The following AVEN variants were observed in gnomAD, a reference collection of about 807,000 sequenced individuals.
AVEN encodes the protein cell death regulator Aven.
Under a neutral mutation model 38.1 loss-of-function variants are expected in AVEN, and 41 were observed. The observed-to-expected ratio is 1.08, with a 90% CI of 0.84 to 1.40. The LOEUF (loss-of-function observed/expected upper bound fraction) is 1.40. Ranked by LOEUF, AVEN falls within the 40% of genes most tolerant of loss-of-function variation. The pLI, the probability that AVEN is intolerant of heterozygous loss-of-function variation, is 0.00. For synonymous variants in AVEN, 206 were observed against 171.8 expected (o/e 1.20, Z -1.56); for missense variants, 605 against 438.8 (o/e 1.38, Z -3.38).
intron 1 of AVEN, among the ~76,000 whole-genome samples, chr15:34,032,081 A>G (rs892763865): frequency 6.6e-6 from 1 of 152,078 alleles, no homozygotes; most frequent in Non-Finnish European, 1.5e-5. Flanking sequence ...AAGAGAACTA[A>G]TCCAGTGCCG....
intron 2 of AVEN, among the ~76,000 whole-genome samples, chr15:34,000,093 G>T (rs1203111440): frequency 6.6e-6 from 1 of 152,106 alleles, no homozygotes; most frequent in Non-Finnish European, 1.5e-5. Flanking sequence ...TTTTCCCATA[G>T]ATATCCTCAC....
At chr15:33,919,217 G>A (rs1454662755) in intron 2 of AVEN, among the ~76,000 whole-genome samples, 3 of 151,804 alleles carry the variant, frequency 2.0e-5, no homozygotes, top group South Asian at 2.1e-4. Flanking sequence ...GTGTTTTTAA[G>A]AAAAAAATCC....
downstream of AVEN, among the ~76,000 whole-genome samples, chr15:33,861,963 C>A (rs546912725): frequency 2.0e-5 from 3 of 151,952 alleles, no homozygotes; most frequent in African/African-American, 7.3e-5. Flanking sequence ...ATGCCTGGCA[C>A]CCAGTAGGCA....
chr15:33,943,560 T>A (rs533037483), intron 2 of AVEN, among the ~76,000 whole-genome samples: 1 of 152,156 alleles, frequency 6.6e-6, no homozygotes, highest in Non-Finnish European at 1.5e-5. Flanking sequence ...ATTGTTACAA[T>A]AGGCTGGGCA....
intron 5 of AVEN, among the ~76,000 whole-genome samples, chr15:34,047,844 G>A (rs966406062): frequency 1.3e-5 from 2 of 152,102 alleles, no homozygotes. Context: ...TGCCTCCTGA[G>A]CTCAAGTAAT....
At chr15:33,857,839 C>T, downstream of AVEN, 1 of 1,614,206 alleles carries the variant, frequency 6.2e-7, no homozygotes, top group South Asian at 1.1e-5. Flanking sequence ...TGGTGGCTTT[C>T]AACTTCTTCC....
intron 2 of AVEN, 83 bp from the exon 3 acceptor site, chr15:33,876,078 T>C (rs1398337060): frequency 1.1e-5 from 15 of 1,334,616 alleles, no homozygotes; most frequent in Non-Finnish European, 1.6e-5. Flanking sequence ...AGAGCAAAAG[T>C]GCCATTTCTG....
At chr15:34,022,926 G>A (rs1418134043) in intron 1 of AVEN, among the ~76,000 whole-genome samples, 2 of 152,176 alleles carry the variant, frequency 1.3e-5, no homozygotes, top group Non-Finnish European at 1.5e-5. Context: ...GGTGGCTCAC[G>A]CCTGTAATCC....
chr15:34,068,153 T>G (rs994789609), intron 2 of AVEN, among the ~76,000 whole-genome samples: 3 of 152,126 alleles, frequency 2.0e-5, no homozygotes, highest in African/African-American at 7.2e-5. Context: ...CATTTTTTTC[T>G]CAACCATTTG....
At chr15:33,864,122 C>A (rs1449309228), downstream of AVEN, 7 of 1,598,938 alleles carry the variant, frequency 4.4e-6, no homozygotes, top group Middle Eastern at 1.7e-4. Context: ...CTAATACTAT[C>A]TTTTCCTCGT....
intron 2 of AVEN, among the ~76,000 whole-genome samples, chr15:33,887,237 C>A (rs1891741835): frequency 6.6e-6 from 1 of 151,998 alleles, no homozygotes; most frequent in Non-Finnish European, 1.5e-5. Context: ...GTTATGGGAC[C>A]AAACTACTTG....
intron 2 of AVEN, among the ~76,000 whole-genome samples, chr15:33,899,458 ACCT>A (rs1892390131): frequency 1.1e-5 from 1 of 89,886 alleles, no homozygotes; most frequent in African/African-American, 3.7e-5. Context: ...TTCAGGGAAA[ACCT>A]TTTTTTTTTT....
chr15:33,856,108 A>G (rs2079630535), downstream of AVEN: 2 of 152,228 alleles, frequency 1.3e-5, no homozygotes, highest in Non-Finnish European at 2.9e-5. Flanking sequence ...CAGAGCAGCT[A>G]AATGTCTCAC....
chr15:33,923,276 G>A (rs139665388), intron 2 of AVEN, among the ~76,000 whole-genome samples: 76 of 152,288 alleles, frequency 5.0e-4, no homozygotes, highest in African/African-American at 1.7e-3. Flanking sequence ...AGGAGTAATT[G>A]TGTATTCTAT....
intron 3 of AVEN, among the ~76,000 whole-genome samples, chr15:33,873,199 A>C (rs1255991753): frequency 1.5e-5 from 2 of 136,832 alleles, no homozygotes; most frequent in East Asian, 4.5e-4. Context: ...TTCTTGGTTC[A>C]AGCGATTCTC....
At chr15:33,934,177 C>T (rs1437496457) in intron 2 of AVEN, among the ~76,000 whole-genome samples, 1 of 149,822 alleles carries the variant, frequency 6.7e-6, no homozygotes, top group African/African-American at 2.5e-5. Flanking sequence ...AGTTCAAGAC[C>T]AGCCTAGGCA....
chr15:33,890,552 T>C (rs566970429), intron 2 of AVEN, among the ~76,000 whole-genome samples: 1 of 152,002 alleles, frequency 6.6e-6, no homozygotes, highest in Middle Eastern at 3.4e-3. Flanking sequence ...TTGCCAAAAG[T>C]ATAGGGCAAA....
intron 2 of AVEN, among the ~76,000 whole-genome samples, chr15:34,000,705 C>G (rs1597333511): frequency 6.6e-6 from 1 of 152,016 alleles, no homozygotes; most frequent in African/African-American, 2.4e-5. Flanking sequence ...AATATAGCAC[C>G]AAAACACTGA....
intron 2 of AVEN, among the ~76,000 whole-genome samples, chr15:33,959,627 C>T (rs1895089995): frequency 6.6e-6 from 1 of 152,140 alleles, no homozygotes. Context: ...GGTTCAAGCA[C>T]TAAGAATAAG....
Sources: allele counts gnomAD v4.1 joint callset (sites outside exome capture counted in the v4.1 genomes callset), GRCh38; gene constraint gnomAD v4.1.1; transcripts MANE v1.5; gene names NCBI Gene and HGNC (gene_info 2026-07-23, HGNC 2026-07-21).